The following ZNF296 variants were observed in gnomAD, a reference collection of about 807,000 sequenced individuals.
ZNF296 encodes zinc finger protein 342.
ZNF296 carries 1 observed loss-of-function variant against 13.2 expected under a neutral mutation model. The ratio of observed to expected loss-of-function variants is 0.08; its 90% CI spans 0.03 to 0.36. The LOEUF is 0.36. ZNF296 is among the 10% of genes least tolerant of loss of function. The pLI, the probability that ZNF296 is intolerant of heterozygous loss-of-function variation, is 0.99. For missense variants in ZNF296, 555 were observed against 688.2 expected (o/e 0.81, Z 2.16); for synonymous variants, 303 against 289.0 (o/e 1.05, Z -0.49).
intron 2 of ZNF296, among the ~76,000 whole-genome samples, 195 bp from the exon 3 acceptor site, chr19:45,072,775 A>AT (rs200064240): frequency 0.033 from 2,037 of 60,910 alleles, 39 homozygotes; most frequent in African/African-American, 0.081. Context: ...ACCTGAAAAC[A>AT]TTTTTTTTTA....
At position 45,071,508 on chromosome 19, in the gene ZNF296, AG is replaced by A. The variant is rs1967253479; in HGVS notation, c.*92del. On this transcript the variant is annotated 3_prime_UTR_variant, in exon 3 of 3. Coordinates refer to ENST00000303809, the MANE Select transcript of ZNF296 (RefSeq NM_145288.3). ...CAGAGTCCAGACGGGTGTAAATAAAAGGGAAAATTTACTTGGAGAAGGCGGG... is the reference window on the plus strand; with the variant it reads ...CAGAGTCCAGACGGGTGTAAATAAAAGGAAAATTTACTTGGAGAAGGCGGG... The A allele has an allele frequency of 1.3e-6, 2 of 1,481,672 alleles. No homozygotes were observed. The highest frequency in any genetic ancestry group is 1.8e-6 in the Non-Finnish European group (2 of 1,120,806). The allele number at this position is 1,481,672 out of a possible 1,614,324, so 91.8% of individuals were successfully genotyped here.
Position 45,076,344 on chromosome 19 carries a change from G to T in ZNF296, c.30C>A (p.Pro10=). 7.3e-7 allele frequency: 1 copy of T among 1,367,420 alleles called. No individual in the cohort carries two copies. The highest frequency in any genetic ancestry group is 9.5e-7 in the Non-Finnish European group (1 of 1,056,940). The allele number at this position is 1,367,420 out of a possible 1,614,324, so 84.7% of individuals were successfully genotyped here. Residue 10 remains proline (P), a synonymous_variant, in exon 1 of 3, where the codon CCC becomes CCA. Transcript: ENST00000303809. This position sits in a 1 kb window ranked among gnomAD's most constrained non-coding sequence, Gnocchi z 4.9. MSRRKAGSA[P]RRVEPAPAAN... is the part of the protein sequence containing the mutation. ...CGGCGGGCGCGGGCTCTACTCGGCGGGGCGCGCTGCCGGCCTTGCGGCGGG... is the reference window on the plus strand; with the variant it reads ...CGGCGGGCGCGGGCTCTACTCGGCGTGGCGCGCTGCCGGCCTTGCGGCGGG...
Position 45,072,066 on chromosome 19 carries a change from A to G in ZNF296, c.963T>C (p.Gly321=). 1.2e-6 allele frequency: 2 copies of G among 1,612,148 alleles called. No homozygotes were observed. Among genetic ancestry groups the G allele is most frequent in the South Asian group, 1.1e-5 (1 of 91,038 alleles). ...AAPTSTLPCS[G]GEGAGAAATA... The stretch of plus-strand genomic sequence containing the variant: ...TGGCGGCGGCTCCAGCCCCCTCACC[A>G]CCGCTGCATGGAAGGGTGCTGGTGG... The change falls in exon 3 of 3, where the codon GGT becomes GGC. Residue 321 remains glycine (G), a synonymous_variant. Coordinates refer to ENST00000303809, the MANE Select transcript of ZNF296 (RefSeq NM_145288.3).
rs779794135 is a variant in ZNF296 at position 45,072,570 on chromosome 19, C to T, written c.459G>A (p.Glu153=). The change falls in exon 3 of 3, where the codon GAG becomes GAA. Residue 153 remains glutamate, a synonymous_variant. Coordinates refer to ENST00000303809, the MANE Select transcript of ZNF296 (RefSeq NM_145288.3). ...AGCGCAGGCAGCTCAAGGCCTTCAGCTCCTCTCGTTCTGGTAAGAAAAAGA... is the reference window on the plus strand; with the variant it reads ...AGCGCAGGCAGCTCAAGGCCTTCAGTTCCTCTCGTTCTGGTAAGAAAAAGA... ...PSRGQGSERE[E]LKALSCLRCG... 2 of 1,597,670 alleles carry T rather than the reference C, an allele frequency of 1.3e-6. No individual in the cohort carries two copies. The highest frequency in any genetic ancestry group is 1.7e-5 in the Admixed American group (1 of 57,308).
rs375562704 is a variant in ZNF296 at position 45,072,528 on chromosome 19, T to G, written c.501A>C (p.Thr167=). 1.9e-6 allele frequency: 3 copies of G among 1,613,382 alleles called. No individual in the cohort carries two copies. The highest frequency in any genetic ancestry group is 2.2e-5 in the South Asian group (2 of 91,066). Residue 167 remains threonine (T), a synonymous_variant, in exon 3 of 3, where the codon ACA becomes ACC. Coordinates refer to ENST00000303809, the MANE Select transcript of ZNF296 (RefSeq NM_145288.3). The stretch of plus-strand genomic sequence containing the variant: ...CGTGACGCAGCAGCTTCCAGGCCAC[T>G]GTGAACTGTTTGCCACAGCGCAGGC... ...LSCLRCGKQF[T]VAWKLLRHAQ... is the part of the protein sequence containing the mutation.
intron 2 of ZNF296, among the ~76,000 whole-genome samples, chr19:45,073,512 C>T (rs982924071): frequency 8.0e-5 from 12 of 150,874 alleles, no homozygotes; most frequent in South Asian, 2.1e-4. Context: ...AGGGTTTCAC[C>T]GTGTTAGCCA....
Position 45,071,511 on chromosome 19 carries a change from G to A in ZNF296, c.*90C>T. On this transcript the variant is annotated 3_prime_UTR_variant, in exon 3 of 3. Transcript: ENST00000303809. The stretch of plus-strand genomic sequence containing the variant: ...AGTCCAGACGGGTGTAAATAAAAGG[G>A]AAAATTTACTTGGAGAAGGCGGGCA... The A allele has an allele frequency of 6.7e-7, 1 of 1,485,964 alleles. No individual in the cohort carries two copies. 92.0% of individuals were successfully genotyped at this position (1,485,964 alleles called of 1,614,324 possible). A position where few individuals can be genotyped will look rare whatever the true frequency, so the allele number is the denominator to read the frequency against.
intron 2 of ZNF296, 79 bp from the exon 3 acceptor site, chr19:45,072,659 G>A: frequency 2.0e-6 from 3 of 1,491,614 alleles, no homozygotes; most frequent in South Asian, 1.3e-5. Context: ...ACTCCTGCAG[G>A]GGCAAAGGAC....
In ZNF296 at chr19:45,076,134, G is replaced by A. The variant is rs760464152; in HGVS notation, c.240C>T (p.Leu80=). ...TCCACGGGTTCCGCGGGCCGAGGGC[G>A]AGGAGGGCGGCCCCGGCGGGCATGG... ...PGPMPAGAAL[L]ALGPRNPWTL... The change falls in exon 1 of 3, where the codon CTC becomes CTT. Residue 80 remains leucine (L), a synonymous_variant. Coordinates refer to ENST00000303809, the MANE Select transcript of ZNF296 (RefSeq NM_145288.3). This position sits in a 1 kb window ranked among gnomAD's most constrained non-coding sequence, Gnocchi z 4.9. 9 of 1,557,636 alleles carry A rather than the reference G, an allele frequency of 5.8e-6. No individual in the cohort carries two copies. In the African/African-American group the frequency reaches 9.7e-5, roughly 17 times the overall value.
rs758704599 is a variant in ZNF296, at chr19:45,072,369, A to C, written c.660T>G (p.Arg220=). 1 of 1,612,646 alleles carries C rather than the reference A, an allele frequency of 6.2e-7. No individual in the cohort carries two copies. Among genetic ancestry groups the C allele is most frequent in the Non-Finnish European group, 8.5e-7 (1 of 1,179,866 alleles). The change falls in exon 3 of 3, where the codon CGT becomes CGG. Residue 220 remains arginine (R), a synonymous_variant. Transcript: ENST00000303809. ...GCCGGGTGAGGCCGCTGCCACTTGC[A>C]CGGGGGCTCTTGGCCTCAGCTGCTG... is the stretch of plus-strand genomic sequence containing the variant. ...VGPAAEAKSP[R]ASGSGLTRRS...
In ZNF296 at chr19:45,071,847, A is replaced by C; in HGVS notation, c.1182T>G (p.His394Gln). The change falls in exon 3 of 3, where the codon CAT becomes CAG. Residue 394 changes from histidine (H) to glutamine (Q), a missense_variant. By Grantham distance (24) the His-to-Gln change is conservative. This residue lies in a region of ZNF296 where 410 missense variants were observed against 548.0 expected (regional missense o/e 0.75). Transcript: ENST00000303809. ...CCGTCAGGTTGCTGCTGTTGGTAAA[A>C]TGCTTCCCGCAGAACTCACAGCTGC... The part of the protein sequence containing the change: ...PGGSCEFCGK[H>Q]FTNSSNLTVH... 1 of 1,612,508 alleles carries C rather than the reference A, an allele frequency of 6.2e-7. No homozygotes were observed. Among genetic ancestry groups the C allele is most frequent in the Non-Finnish European group, 8.5e-7 (1 of 1,179,782 alleles).
chr19:45,076,079 G>A lies in ZNF296; in HGVS notation c.295C>T (p.Pro99Ser), dbSNP rs1318926157. 27 of 1,583,038 alleles carry A rather than the reference G, an allele frequency of 1.7e-5. No individual in the cohort carries two copies. The highest frequency in any genetic ancestry group is 1.2e-4 in the Admixed American group (6 of 50,730). ...TLWTPLTPNY[P>S]DRQPWTDKHP... ...GCCCAGGGCCCGGGGTGCTCACCGG[G>A]ATAGTTCGGGGTCAACGGCGTCCAC... Residue 99 changes from proline (P) to serine (S), a missense_variant, in exon 1 of 3, where the codon CCC (proline) becomes TCC (serine). Transcript: ENST00000303809. The surrounding 1 kb of genome is among the most constrained non-coding windows in gnomAD (Gnocchi z 4.9).
intron 2 of ZNF296, 135 bp downstream of exon 2, chr19:45,075,578 C>T (rs922398131): frequency 2.5e-5 from 26 of 1,024,020 alleles, no homozygotes; most frequent in Non-Finnish European, 3.5e-5. Context: ...AGGCCCTGGC[C>T]ACGCCTAGGC....
intron 2 of ZNF296, among the ~76,000 whole-genome samples, chr19:45,074,842 G>T (rs1967315092): frequency 6.6e-6 from 1 of 152,128 alleles, no homozygotes; most frequent in Non-Finnish European, 1.5e-5. Flanking sequence ...GTAGTGTTTT[G>T]TTCCAGCGAT....
chr19:45,075,141 C>CG (rs1323532921), intron 2 of ZNF296, among the ~76,000 whole-genome samples: 1 of 152,214 alleles, frequency 6.6e-6, no homozygotes, highest in Admixed American at 6.5e-5. Flanking sequence ...GTCCAGCACC[C>CG]GGGAGCTCGC....
chr19:45,075,929 G>A lies in ZNF296; in HGVS notation c.299-67C>T, dbSNP rs1299801737. ...GATGGGGGCTGAGGGTGCTGAAGGAGAGGGGAAACCGAAGGTCAGAAGGGG... is the reference window on the plus strand; with the variant it reads ...GATGGGGGCTGAGGGTGCTGAAGGAAAGGGGAAACCGAAGGTCAGAAGGGG... On this transcript the variant is annotated intron_variant, in intron 1 of 2. Coordinates refer to ENST00000303809, the MANE Select transcript of ZNF296 (RefSeq NM_145288.3). The A allele has an allele frequency of 3.7e-6, 6 of 1,600,660 alleles. No individual in the cohort carries two copies. The South Asian group carries it at 5.6e-5, about 15-fold the overall frequency.
In ZNF296 at chr19:45,072,482, A is replaced by G. The variant is rs776338440; in HGVS notation, c.547T>C (p.Ser183Pro). ...LRHAQWDHGL[S>P]IYQTESEAPE... ...GCCTCTGATTCTGTCTGGTAGATGG[A>G]CAGTCCGTGGTCCCACTGGGCGTGA... Residue 183 changes from serine to proline, a missense_variant, in exon 3 of 3, where the codon TCC becomes CCC. Physicochemically the swap from Ser to Pro is moderately conservative, Grantham distance 74 (BLOSUM62 -1). Around this residue, in one of 3 missense-constraint regions of ZNF296, gnomAD observed 410 missense variants for 548.0 expected, o/e 0.75. Coordinates refer to ENST00000303809, the MANE Select transcript of ZNF296 (RefSeq NM_145288.3). The G allele has an allele frequency of 9.3e-6, 15 of 1,613,382 alleles. No individual in the cohort carries two copies. In the African/African-American group the frequency reaches 1.5e-4, roughly 16 times the overall value.
Position 45,076,155 on chromosome 19 carries a change from C to A in ZNF296, c.219G>T (p.Met73Ile). 1 of 1,544,486 alleles carries A rather than the reference C, an allele frequency of 6.5e-7. No individual in the cohort carries two copies. Residue 73 changes from methionine (M) to isoleucine (I), a missense_variant, in exon 1 of 3, where the codon ATG becomes ATT. Around this residue, in one of 3 missense-constraint regions of ZNF296, gnomAD observed 137 missense variants for 121.9 expected, o/e 1.12. Coordinates refer to ENST00000303809, the MANE Select transcript of ZNF296 (RefSeq NM_145288.3). This position sits in a 1 kb window ranked among gnomAD's most constrained non-coding sequence, Gnocchi z 4.9. ...GGEPHHSPGP[M>I]PAGAALLALG... is the part of the protein sequence containing the mutation. ...GGGCGAGGAGGGCGGCCCCGGCGGGCATGGGGCCAGGGGAGTGGTGGGGTT... is the reference window on the plus strand; with the variant it reads ...GGGCGAGGAGGGCGGCCCCGGCGGGAATGGGGCCAGGGGAGTGGTGGGGTT...
At position 45,072,729 on chromosome 19, in the gene ZNF296, G is replaced by C. The variant is rs1967280048; in HGVS notation, c.449-149C>G. 9 of 1,045,842 alleles carry C rather than the reference G, an allele frequency of 8.6e-6. No homozygotes were observed. The East Asian group carries it at 2.4e-4, about 28-fold the overall frequency. The allele number at this position is 1,045,842 out of a possible 1,614,324, so 64.8% of individuals were successfully genotyped here. A position where few individuals can be genotyped will look rare whatever the true frequency, so the allele number is the denominator to read the frequency against. On this transcript the variant is annotated intron_variant, in intron 2 of 2. Transcript: ENST00000303809. ...CCAGGAAGCTGACGCTCAGAGGAGG[G>C]GTGGACACGAAAAATCTGTGGAGTG...
Sources: gnomAD v4.1 joint callset for allele counts (sites outside exome capture counted in the v4.1 genomes callset) on GRCh38, gnomAD v4.1.1 for gene constraint, gnomAD v4.1.1 regional missense constraint, Gnocchi (gnomAD v3.1) non-coding constraint, MANE v1.5 for transcripts, NCBI Gene and HGNC (gene_info 2026-07-23, HGNC 2026-07-21) for gene names.